Variants in MGMT observed in about 807,000 individuals in gnomAD.
MGMT encodes O-6-methylguanine-DNA methyltransferase.
A neutral mutation model predicts 15.9 loss-of-function variants in MGMT; 14 were observed. The observed-to-expected ratio is 0.88, with a 90% CI of 0.58 to 1.37. The LOEUF is 1.37. MGMT is among the 40% of genes most tolerant of loss of function. The probability of loss-of-function intolerance (pLI) is 0.00; values close to 1 mark genes in which losing one functional copy is unlikely to be tolerated. For missense variants in MGMT, 282 were observed against 268.1 expected (o/e 1.05, Z -0.36); for synonymous variants, 130 against 118.2 (o/e 1.10, Z -0.65).
chr10:129,557,693 AC>A (rs1335036908), intron 2 of MGMT, among the ~76,000 whole-genome samples: 1 of 152,148 alleles, frequency 6.6e-6, no homozygotes, highest in Admixed American at 6.5e-5. Context: ...TAGAACAGGA[AC>A]CCATTATAAT....
chr10:129,642,985 G>A (rs12264213), intron 2 of MGMT, among the ~76,000 whole-genome samples: 37,121 of 152,120 alleles, frequency 0.24, 4,785 homozygotes, highest in Non-Finnish European at 0.27. Context: ...AAGCATAGGT[G>A]ATGCACCTCC....
At chr10:129,513,441 T>A (rs962609821) in intron 1 of MGMT, among the ~76,000 whole-genome samples, 1 of 152,198 alleles carries the variant, frequency 6.6e-6, no homozygotes, top group Admixed American at 6.5e-5. Context: ...AAGGAGTGTC[T>A]GGGACGTTAC....
intron 2 of MGMT, among the ~76,000 whole-genome samples, chr10:129,687,042 C>T (rs12219606): frequency 1.3e-5 from 2 of 151,990 alleles, no homozygotes; most frequent in South Asian, 4.2e-4. Context: ...CTCTGTTGCA[C>T]TCACCCTCCC....
intron 2 of MGMT, among the ~76,000 whole-genome samples, chr10:129,564,957 A>G (rs1846337084): frequency 6.6e-6 from 1 of 152,066 alleles, no homozygotes. Context: ...CGCCATAAAC[A>G]GGCTGTCACT....
rs1848981453 is a variant in MGMT, at chr10:129,769,834, A to T, written c.*2837A>T. ...CTATGACCGTGCAAACATGCATGTTATGGTGTTGGCTGATGCGGAATCAGG... is the reference window on the plus strand; with the variant it reads ...CTATGACCGTGCAAACATGCATGTTTTGGTGTTGGCTGATGCGGAATCAGG... On this transcript the variant is annotated 3_prime_UTR_variant, in exon 5 of 5. Coordinates refer to ENST00000651593, the MANE Select transcript of MGMT (RefSeq NM_002412.5). 6.6e-6 allele frequency among the ~76,000 whole-genome samples: 1 copy of T among 152,130 alleles called. No homozygotes were observed. The highest frequency in any genetic ancestry group is 6.5e-5 in the Admixed American group (1 of 15,272).
chr10:129,640,987 T>C (rs921421726), intron 2 of MGMT, among the ~76,000 whole-genome samples: 1 of 152,220 alleles, frequency 6.6e-6, no homozygotes, highest in South Asian at 2.1e-4. Flanking sequence ...GACAAAGATG[T>C]CTGTCCACTC....
intron 2 of MGMT, among the ~76,000 whole-genome samples, chr10:129,632,142 G>A (rs1056050930): frequency 6.6e-6 from 1 of 152,270 alleles, no homozygotes; most frequent in African/African-American, 2.4e-5. Context: ...ACCAGCGTAT[G>A]CATTGTGCCA....
chr10:129,622,057 A>G (rs1435047365), intron 2 of MGMT, among the ~76,000 whole-genome samples: 1 of 152,332 alleles, frequency 6.6e-6, no homozygotes, highest in East Asian at 1.9e-4. Context: ...GGTTTATGGC[A>G]TAGACTTGCT....
At chr10:129,612,882 C>G (rs928512650) in intron 2 of MGMT, among the ~76,000 whole-genome samples, 2 of 152,192 alleles carry the variant, frequency 1.3e-5, no homozygotes, top group Admixed American at 1.3e-4. Context: ...GGACTCTGCC[C>G]GTCCTTCCTG....
chr10:129,576,887 C>T (rs1044756005), intron 2 of MGMT, among the ~76,000 whole-genome samples: 2 of 152,122 alleles, frequency 1.3e-5, no homozygotes, highest in Non-Finnish European at 2.9e-5. Context: ...TCTTATACAC[C>T]AATAACAGGC....
chr10:129,556,390 G>A lies in MGMT; in HGVS notation c.125+20013G>A, dbSNP rs34206757. ...GATGGAGGTTGTGGCACAGACACAC[G>A]GAGGGATGGCCACGTGAGGACCCTG... On this transcript the variant is annotated intron_variant, in intron 2 of 4. Coordinates refer to ENST00000651593, the MANE Select transcript of MGMT (RefSeq NM_002412.5). The surrounding 1 kb of genome is among the most constrained non-coding windows in gnomAD (Gnocchi z 4.3). Among the ~76,000 whole-genome samples, 8,902 of 152,178 alleles carry A rather than the reference G, an allele frequency of 0.058. 372 individuals carry two copies. The highest frequency in any genetic ancestry group is 0.081 in the Admixed American group (1,241 of 15,290).
intron 3 of MGMT, among the ~76,000 whole-genome samples, chr10:129,736,365 C>T (rs1359352541): frequency 6.6e-6 from 1 of 151,600 alleles, no homozygotes; most frequent in African/African-American, 2.4e-5. Context: ...TGTGTTTTAT[C>T]AGAGACTAGG....
In MGMT at chr10:129,752,395, A is replaced by G. The variant is rs376156565; in HGVS notation, c.275-6807A>G. Among the ~76,000 whole-genome samples the G allele has an allele frequency of 4.0e-5, 6 of 151,874 alleles. No individual in the cohort carries two copies. The East Asian group carries it at 5.8e-4, about 15-fold the overall frequency. ...TTTGAAGTGAATTCTTTATGACGGC[A>G]TTTTCTTGTGCATGTTTTTAAAAAT... is the stretch of plus-strand genomic sequence containing the variant. On this transcript the variant is annotated intron_variant, in intron 3 of 4. Coordinates refer to ENST00000651593, the MANE Select transcript of MGMT (RefSeq NM_002412.5).
intron 2 of MGMT, among the ~76,000 whole-genome samples, chr10:129,630,720 A>G (rs1020449409): frequency 6.6e-6 from 1 of 152,230 alleles, no homozygotes; most frequent in Non-Finnish European, 1.5e-5. Context: ...GTGATCAGTA[A>G]AAGAATCCAT....
rs183412473 is a variant in MGMT, at chr10:129,621,115, G to A, written c.125+84738G>A. 3.9e-4 allele frequency among the ~76,000 whole-genome samples: 60 copies of A among 152,252 alleles called. 1 individual carries two copies. The highest frequency in any genetic ancestry group is 1.4e-3 in the African/African-American group (58 of 41,540). ...CTGAAGGAACTGGGTATGCAATTAC[G>A]TTTAATTTTAAATAATTTAAATATA... On this transcript the variant is annotated intron_variant, in intron 2 of 4. Coordinates refer to ENST00000651593, the MANE Select transcript of MGMT (RefSeq NM_002412.5).
intron 2 of MGMT, among the ~76,000 whole-genome samples, chr10:129,541,637 C>G (rs904430363): frequency 6.6e-6 from 1 of 151,934 alleles, no homozygotes; most frequent in African/African-American, 2.4e-5. Flanking sequence ...GCTAAGGGGG[C>G]TCATCTTTCA....
At chr10:129,733,457 T>C (rs1848525226) in intron 3 of MGMT, among the ~76,000 whole-genome samples, 1 of 150,130 alleles carries the variant, frequency 6.7e-6, no homozygotes, top group Non-Finnish European at 1.5e-5. Flanking sequence ...TTCTGGATAT[T>C]AGCCCTTTGT....
rs146446310 is a variant in MGMT, at chr10:129,494,429, C to T, written c.-13+27133C>T. Among the ~76,000 whole-genome samples, 452 of 152,296 alleles carry T rather than the reference C, an allele frequency of 3.0e-3. 2 individuals are homozygous for T. The highest frequency in any genetic ancestry group is 0.01 in the African/African-American group (431 of 41,566). On this transcript the variant is annotated intron_variant, in intron 1 of 4. Transcript: ENST00000651593. Reference sequence around the variant, plus strand: ...GGCCAGCCACTTGCTGCGTGTCAGCCGGTGAACTCTGGGTTCCTGGCTTAT... The same window carrying T: ...GGCCAGCCACTTGCTGCGTGTCAGCTGGTGAACTCTGGGTTCCTGGCTTAT...
chr10:129,517,640 T>C (rs958748601), intron 1 of MGMT, among the ~76,000 whole-genome samples: 5 of 152,202 alleles, frequency 3.3e-5, no homozygotes, highest in Non-Finnish European at 5.9e-5. Flanking sequence ...CAAGGCTTCT[T>C]GAGGGTGGGG....
Sources: allele counts gnomAD v4.1 joint callset (sites outside exome capture counted in the v4.1 genomes callset), GRCh38; gene constraint gnomAD v4.1.1; non-coding constraint Gnocchi (gnomAD v3.1); transcripts MANE v1.5; gene names NCBI Gene and HGNC (gene_info 2026-07-23, HGNC 2026-07-21).